Variants in SPATA18 observed in about 807,000 individuals in gnomAD.
SPATA18 encodes mitochondria-eating protein.
Under a neutral mutation model 68.1 loss-of-function variants are expected in SPATA18, and 54 were observed. The ratio of observed to expected loss-of-function variants is 0.79; its 90% CI spans 0.64 to 0.99. The LOEUF is 0.99. Ranked by LOEUF, SPATA18 falls within the 50% of genes least tolerant of loss-of-function variation. The pLI, the probability that SPATA18 is intolerant of heterozygous loss-of-function variation, is 0.00. For synonymous variants in SPATA18, 242 were observed against 244.8 expected (o/e 0.99, Z 0.11); for missense variants, 724 against 681.1 (o/e 1.06, Z -0.70).
chr4:52,052,103 C>T (rs1236703535), intron 1 of SPATA18, among the ~76,000 whole-genome samples: 2 of 152,090 alleles, frequency 1.3e-5, no homozygotes, highest in African/African-American at 2.4e-5. Flanking sequence ...TAGGGAAGCC[C>T]TGCTGTCCGC....
At chr4:52,058,524 A>T (rs779987227) in intron 1 of SPATA18, among the ~76,000 whole-genome samples, 21 of 152,210 alleles carry the variant, frequency 1.4e-4, no homozygotes, top group Admixed American at 2.6e-4. Context: ...CCTCTGCCAC[A>T]TTGACATATT....
At chr4:52,092,816 A>G (rs1453393908) in intron 11 of SPATA18, among the ~76,000 whole-genome samples, 1 of 152,212 alleles carries the variant, frequency 6.6e-6, no homozygotes. Context: ...GTCTTAATAT[A>G]GGAAGATCAC....
At chr4:52,051,882 C>T (rs1737908722) in intron 1 of SPATA18, 91 bp downstream of exon 1, 1 of 1,234,440 alleles carries the variant, frequency 8.1e-7, no homozygotes, top group Admixed American at 1.8e-5. Context: ...GAGTTGGTGG[C>T]CACTTTGCAA....
intron 1 of SPATA18, among the ~76,000 whole-genome samples, chr4:52,052,253 CA>C: frequency 6.6e-6 from 1 of 152,320 alleles, no homozygotes; most frequent in South Asian, 2.1e-4. Context: ...TTTGTATAAA[CA>C]CACACCCAGG....
At chr4:52,083,503 A>G in intron 10 of SPATA18, 1 of 984,122 alleles carries the variant, frequency 1.0e-6, no homozygotes, top group Non-Finnish European at 1.2e-6. Flanking sequence ...TAATCCTAGC[A>G]CTTTGGGAAG....
intron 1 of SPATA18, among the ~76,000 whole-genome samples, chr4:52,058,066 T>C (rs1173390782): frequency 6.6e-6 from 1 of 152,194 alleles, no homozygotes; most frequent in Non-Finnish European, 1.5e-5. Context: ...TGAAGTTCAG[T>C]GTAATAAGTG....
chr4:52,054,513 G>T (rs527731251), intron 1 of SPATA18, among the ~76,000 whole-genome samples: 1 of 152,152 alleles, frequency 6.6e-6, no homozygotes, highest in Non-Finnish European at 1.5e-5. Context: ...TAATATTCAC[G>T]AAGGGGGAAC....
intron 10 of SPATA18, chr4:52,083,319 G>A (rs999323647): frequency 6.1e-5 from 60 of 985,306 alleles, no homozygotes; most frequent in Non-Finnish European, 6.1e-5. Flanking sequence ...AAGAATAGGG[G>A]AAGTGTTTTA....
intron 4 of SPATA18, among the ~76,000 whole-genome samples, chr4:52,063,967 AG>A (rs1739106695): frequency 1.3e-5 from 2 of 152,174 alleles, no homozygotes. Context: ...AGTAGGGGCC[AG>A]GGTTTCCCAC....
At chr4:52,081,837 T>TC (rs1553948939) in intron 9 of SPATA18, among the ~76,000 whole-genome samples, 1 of 151,980 alleles carries the variant, frequency 6.6e-6, no homozygotes, top group Non-Finnish European at 1.5e-5. Flanking sequence ...CTTTTTTTTT[T>TC]CCTAACCACC....
intron 6 of SPATA18, among the ~76,000 whole-genome samples, chr4:52,072,951 G>T (rs1251000520): frequency 6.6e-6 from 1 of 152,088 alleles, no homozygotes; most frequent in Non-Finnish European, 1.5e-5. Context: ...TTTAAGACAG[G>T]TCATCCAGAC....
At chr4:52,077,462 G>A (rs918141059) in intron 7 of SPATA18, among the ~76,000 whole-genome samples, 3 of 150,286 alleles carry the variant, frequency 2.0e-5, no homozygotes, top group Non-Finnish European at 3.0e-5. Flanking sequence ...AAATATTTGG[G>A]GGATGAATCA....
rs150480564 is a variant in SPATA18, at chr4:52,058,648, C to G, written c.88-1771C>G. 2.8e-3 allele frequency among the ~76,000 whole-genome samples: 424 copies of G among 152,276 alleles called. 2 individuals carry two copies. Among genetic ancestry groups the G allele is most frequent in the African/African-American group, 9.8e-3 (406 of 41,546 alleles). ...CTGAATCTTATAACCCAGGAATACT[C>G]AAGGGTCCCCTCCACAGAGAAGCCT... On this transcript the variant is annotated intron_variant, in intron 1 of 12. Coordinates refer to ENST00000295213, the MANE Select transcript of SPATA18 (RefSeq NM_145263.4).
intron 4 of SPATA18, among the ~76,000 whole-genome samples, chr4:52,062,698 G>A (rs1327742956): frequency 1.3e-5 from 2 of 152,058 alleles, no homozygotes; most frequent in African/African-American, 2.4e-5. Context: ...GATGTGAAAG[G>A]GAAAGAATAA....
intron 4 of SPATA18, among the ~76,000 whole-genome samples, chr4:52,069,458 A>G (rs1739606917): frequency 6.6e-6 from 1 of 152,150 alleles, no homozygotes; most frequent in Non-Finnish European, 1.5e-5. Context: ...AAAAGTGGAG[A>G]TTTTGTAGAG....
intron 3 of SPATA18, among the ~76,000 whole-genome samples, chr4:52,061,117 C>T (rs1738814938): frequency 6.6e-6 from 1 of 152,218 alleles, no homozygotes; most frequent in African/African-American, 2.4e-5. Context: ...CACATCATTA[C>T]ATCTGGGCAA....
At chr4:52,070,755 A>G (rs1739757133) in intron 5 of SPATA18, among the ~76,000 whole-genome samples, 1 of 152,222 alleles carries the variant, frequency 6.6e-6, no homozygotes, top group South Asian at 2.1e-4. Context: ...AACTGACCAT[A>G]TATTAGCCTG....
intron 10 of SPATA18, chr4:52,082,785 A>C (rs1741058534): frequency 3.2e-6 from 4 of 1,239,392 alleles, no homozygotes; most frequent in Non-Finnish European, 4.1e-6. Flanking sequence ...GAATTATTAT[A>C]ATATTTTAAA....
rs187359529 is a variant in SPATA18 at position 52,054,204 on chromosome 4, A to T, written c.87+2413A>T. 2.6e-5 allele frequency among the ~76,000 whole-genome samples: 4 copies of T among 152,372 alleles called. No homozygotes were observed. The East Asian group carries it at 7.7e-4, about 29-fold the overall frequency. ...AAGTCCAATTTAAATTCAGATAGCC[A>T]CATGCAGCTCATGGCTGCTGTCTCA... On this transcript the variant is annotated intron_variant, in intron 1 of 12. Coordinates refer to ENST00000295213, the MANE Select transcript of SPATA18 (RefSeq NM_145263.4).
Sources: gnomAD v4.1 joint callset for allele counts (sites outside exome capture counted in the v4.1 genomes callset) on GRCh38, gnomAD v4.1.1 for gene constraint, MANE v1.5 for transcripts, NCBI Gene and HGNC (gene_info 2026-07-23, HGNC 2026-07-21) for gene names.